The following MICU2 variants were observed in gnomAD, a reference collection of about 807,000 sequenced individuals.
MICU2 encodes calcium uptake protein 2, mitochondrial.
In MICU2, 64 loss-of-function variants were observed where a neutral mutation model predicts 60.4. The observed-to-expected ratio is 1.06, with a 90% CI of 0.87 to 1.31. The LOEUF is 1.31. Ranked by LOEUF, MICU2 falls within the 50% of genes most tolerant of loss-of-function variation. The pLI is 0.00. For missense variants in MICU2, 569 were observed against 531.0 expected, an observed-to-expected ratio of 1.07 and a Z score of -0.70; for synonymous variants, 201 against 175.0, an observed-to-expected ratio of 1.15 and a Z score of -1.17.
intron 10 of MICU2, chr13:21,495,663 A>T (rs1480353181): frequency 4.3e-6 from 1 of 230,254 alleles, no homozygotes; most frequent in Admixed American, 5.3e-5. Flanking sequence ...GGCCTCCTGA[A>T]TAGCTGGGAT....
chr13:21,603,890 G>A (rs1310392989), intron 1 of MICU2, 49 bp downstream of exon 1: 7 of 1,595,770 alleles, frequency 4.4e-6, no homozygotes, highest in South Asian at 2.2e-5. Context: ...AAGGGCGTCA[G>A]GGGAGGGAGG....
intron 2 of MICU2, among the ~76,000 whole-genome samples, chr13:21,544,739 A>G (rs1887375552): frequency 3.3e-5 from 5 of 152,138 alleles, no homozygotes; most frequent in Admixed American, 3.3e-4. Context: ...TGAGTCCTCA[A>G]CTTCCTGGGC....
chr13:21,551,855 C>T lies in MICU2; in HGVS notation c.359-12167G>A, dbSNP rs575890235. ...TCTTTGTTGGACATTTGGCTTGGTT[C>T]CAAGTCTTTGCTATTGCGAATAGTG... On this transcript the variant is annotated intron_variant, in intron 2 of 11. Coordinates refer to ENST00000382374, the MANE Select transcript of MICU2 (RefSeq NM_152726.3). Among the ~76,000 whole-genome samples the T allele has an allele frequency of 8.6e-4, 131 of 152,104 alleles. No homozygotes were observed. In the Middle Eastern group the frequency reaches 0.01, roughly 12 times the overall value.
chr13:21,547,970 G>A (rs921580290), intron 2 of MICU2, among the ~76,000 whole-genome samples: 1 of 152,156 alleles, frequency 6.6e-6, no homozygotes, highest in Non-Finnish European at 1.5e-5. Flanking sequence ...AATCACTGAT[G>A]TGGATAAGAT....
intron 9 of MICU2, 105 bp downstream of exon 9, chr13:21,502,821 C>A (rs1331826789): frequency 4.8e-6 from 5 of 1,046,678 alleles, no homozygotes; most frequent in East Asian, 2.5e-5. Context: ...TTTTATATAC[C>A]ATCGAGGGTA....
intron 2 of MICU2, among the ~76,000 whole-genome samples, chr13:21,548,627 G>A (rs1887469932): frequency 6.6e-6 from 1 of 152,174 alleles, no homozygotes; most frequent in Non-Finnish European, 1.5e-5. Flanking sequence ...GTTACAACGG[G>A]GCTAGTGAAG....
At chr13:21,512,778 G>A (rs917772146) in intron 7 of MICU2, among the ~76,000 whole-genome samples, 5 of 152,038 alleles carry the variant, frequency 3.3e-5, no homozygotes, top group Non-Finnish European at 7.4e-5. Flanking sequence ...TGTGATTTTA[G>A]TATCATTATC....
intron 1 of MICU2, among the ~76,000 whole-genome samples, chr13:21,568,477 C>T (rs975029970): frequency 6.6e-6 from 1 of 152,278 alleles, no homozygotes; most frequent in African/African-American, 2.4e-5. Flanking sequence ...GTTTTAATTA[C>T]GTAAGTCCAC....
rs565208845 is a variant in MICU2, at chr13:21,543,412, T to C, written c.359-3724A>G. On this transcript the variant is annotated intron_variant, in intron 2 of 11. Transcript: ENST00000382374. ...CCTATTTGCAGACAACATGATCTTATACATAGAAAAACCTAAAGTCTCTAC... is the reference window on the plus strand; with the variant it reads ...CCTATTTGCAGACAACATGATCTTACACATAGAAAAACCTAAAGTCTCTAC... Among the ~76,000 whole-genome samples the C allele has an allele frequency of 7.9e-5, 12 of 152,286 alleles. No homozygotes were observed. In the South Asian group the frequency reaches 2.5e-3, roughly 32 times the overall value.
intron 1 of MICU2, among the ~76,000 whole-genome samples, chr13:21,591,601 T>C (rs988579025): frequency 1.3e-5 from 2 of 152,346 alleles, no homozygotes; most frequent in East Asian, 3.9e-4. Context: ...ATGGCACTTA[T>C]TCTAAAACTG....
At chr13:21,554,467 A>T (rs1887651972) in intron 2 of MICU2, among the ~76,000 whole-genome samples, 1 of 152,242 alleles carries the variant, frequency 6.6e-6, no homozygotes. Context: ...AGAAATAAAG[A>T]GGTTCTTTGA....
At chr13:21,567,027 T>C in intron 1 of MICU2, 83 bp from the exon 2 acceptor site, 1 of 1,198,168 alleles carries the variant, frequency 8.3e-7, no homozygotes, top group Non-Finnish European at 1.1e-6. Flanking sequence ...AAAGTAACTT[T>C]CACGCTTGGA....
At chr13:21,521,386 T>C (rs1886714080) in intron 5 of MICU2, 59 bp from the exon 6 acceptor site, 4 of 1,371,286 alleles carry the variant, frequency 2.9e-6, no homozygotes, top group Non-Finnish European at 1.0e-6. Context: ...TATTTGTAGA[T>C]AGATAGGTCT....
chr13:21,603,891 G>A (rs753395539), intron 1 of MICU2, 48 bp downstream of exon 1: 43 of 1,596,996 alleles, frequency 2.7e-5, no homozygotes, highest in Non-Finnish European at 3.7e-5. Flanking sequence ...AGGGCGTCAG[G>A]GGAGGGAGGA....
chr13:21,581,642 G>C (rs2798277), intron 1 of MICU2, among the ~76,000 whole-genome samples: 82,420 of 151,884 alleles, frequency 0.54, 24,118 homozygotes, highest in East Asian at 1. Context: ...ATTTTAAGTA[G>C]TGCACGTTAG....
Position 21,507,605 on chromosome 13 carries a change from G to GA in MICU2, c.761+2398dup, listed in dbSNP as rs200232816. ...AGAAAAAATCTAATTCAGAAACTTA[G>GA]ATTTTTTTTTTTTTTTTGAGACGAG... is the stretch of plus-strand genomic sequence containing the variant. On this transcript the variant is annotated intron_variant, in intron 8 of 11. Coordinates refer to ENST00000382374, the MANE Select transcript of MICU2 (RefSeq NM_152726.3). 1.2e-3 allele frequency among the ~76,000 whole-genome samples: 180 copies of GA among 149,268 alleles called. 1 individual carries two copies. The Middle Eastern group carries it at 0.031, about 26-fold the overall frequency.
chr13:21,553,716 C>T (rs1270884426), intron 2 of MICU2, among the ~76,000 whole-genome samples: 1 of 152,104 alleles, frequency 6.6e-6, no homozygotes, highest in Admixed American at 6.6e-5. Context: ...GCTAAATGCT[C>T]CAATTAAAAG....
intron 11 of MICU2, 37 bp from the exon 12 acceptor site, chr13:21,493,390 T>C (rs748292884): frequency 7.0e-7 from 1 of 1,434,726 alleles, no homozygotes; most frequent in Non-Finnish European, 9.6e-7. Flanking sequence ...GGTCATTGTC[T>C]TCAAGGTTAA....
At chr13:21,569,445 C>T (rs969521669) in intron 1 of MICU2, among the ~76,000 whole-genome samples, 17 of 152,076 alleles carry the variant, frequency 1.1e-4, no homozygotes, top group Admixed American at 6.6e-4. Context: ...GTCATCACCA[C>T]GGCAGATTGT....
Sources: allele counts gnomAD v4.1 joint callset (sites outside exome capture counted in the v4.1 genomes callset), GRCh38; gene constraint gnomAD v4.1.1; transcripts MANE v1.5; gene names NCBI Gene and HGNC (gene_info 2026-07-23, HGNC 2026-07-21).